TRPM2: variants seen among roughly 807,000 people sequenced by gnomAD.
TRPM2 encodes transient receptor potential cation channel subfamily M member 2, also known as estrogen-responsive element-associated gene 1 protein.
In TRPM2, 161 loss-of-function variants were observed where a neutral mutation model predicts 174.0. The observed-to-expected ratio is 0.93, with a 90% CI of 0.81 to 1.05. The LOEUF (loss-of-function observed/expected upper bound fraction) is 1.05, where lower values mean the gene tolerates loss of function less well. Among genes scored for constraint, TRPM2 ranks in the 50% least tolerant of loss-of-function variants. The probability of loss-of-function intolerance (pLI) is 0.00; values close to 1 mark genes in which losing one functional copy is unlikely to be tolerated. For synonymous variants in TRPM2, 954 were observed against 861.3 expected (o/e 1.11, Z -1.88); for missense variants, 2,057 against 2,038.0 (o/e 1.01, Z -0.18).
chr21:44,421,515 A>T, intron 22 of TRPM2, among the ~76,000 whole-genome samples: 1 of 152,074 alleles, frequency 6.6e-6, no homozygotes, highest in African/African-American at 2.4e-5. Context: ...TCATGCTTGT[A>T]ATCCCAACAT....
chr21:44,407,545 G>C (rs1266935786), intron 19 of TRPM2, among the ~76,000 whole-genome samples: 1 of 136,284 alleles, frequency 7.3e-6, no homozygotes, highest in Admixed American at 8.1e-5. Context: ...TATCTTTACA[G>C]AATCTAACTT....
rs1343510853 is a variant in TRPM2 at position 44,366,072 on chromosome 21, A to G, written c.424-682A>G. On this transcript the variant is annotated intron_variant, in intron 3 of 31. Transcript: ENST00000397928. This position sits in a 1 kb window ranked among gnomAD's most constrained non-coding sequence, Gnocchi z 6.0. The stretch of plus-strand genomic sequence containing the variant: ...CAGACCCCGCTGGGTCTCTTCAGAC[A>G]CAGCCCGCCTAGCGGAACAGGGAAA... Among the ~76,000 whole-genome samples, 6 of 152,178 alleles carry G rather than the reference A, an allele frequency of 3.9e-5. No homozygotes were observed. Among genetic ancestry groups the G allele is most frequent in the Non-Finnish European group, 7.4e-5 (5 of 68,020 alleles).
upstream of TRPM2, among the ~76,000 whole-genome samples, chr21:44,352,390 G>A (rs1276279638): frequency 6.6e-6 from 1 of 152,248 alleles, no homozygotes; most frequent in Non-Finnish European, 1.5e-5. Flanking sequence ...GCAGCCCGTA[G>A]CTCAGCCCCA....
chr21:44,421,438 C>T (rs1327353316), intron 22 of TRPM2, among the ~76,000 whole-genome samples: 1 of 152,140 alleles, frequency 6.6e-6, no homozygotes, highest in Non-Finnish European at 1.5e-5. Flanking sequence ...AGTTGGGCGC[C>T]TCCAGTTATT....
Position 44,376,053 on chromosome 21 carries a change from A to C in TRPM2, c.952+40A>C. The C allele has an allele frequency of 6.3e-7, 1 of 1,597,632 alleles. No individual in the cohort carries two copies. The highest frequency in any genetic ancestry group is 1.3e-5 in the African/African-American group (1 of 74,852). On this transcript the variant is annotated intron_variant, in intron 6 of 31. Transcript: ENST00000397928. The surrounding 1 kb of genome is among the most constrained non-coding windows in gnomAD (Gnocchi z 4.2). ...TTTCGAGGGTGATTGGGCAGAGAGC[A>C]CAGTGGGCTGGTCAGAGTGTCAGGT...
chr21:44,430,276 G>A (rs930018199), intron 27 of TRPM2, among the ~76,000 whole-genome samples: 7 of 152,158 alleles, frequency 4.6e-5, no homozygotes, highest in Non-Finnish European at 1.0e-4. Context: ...CAATGAATGA[G>A]CTGGTCAGCT....
At chr21:44,380,672 C>G (rs964902967) in intron 8 of TRPM2, among the ~76,000 whole-genome samples, 4 of 152,092 alleles carry the variant, frequency 2.6e-5, no homozygotes, top group African/African-American at 9.7e-5. Context: ...CTCAGAGTGT[C>G]CGTCTACACT....
intron 2 of TRPM2, among the ~76,000 whole-genome samples, chr21:44,359,899 C>T (rs2048165739): frequency 1.3e-5 from 2 of 151,958 alleles, no homozygotes; most frequent in Middle Eastern, 3.4e-3. Context: ...AGCTGTGCAC[C>T]ATCACACCTG....
rs743488 is a variant in TRPM2, at chr21:44,427,069, G to T, written c.3932G>T (p.Arg1311Leu). 6.2e-7 allele frequency: 1 copy of T among 1,607,266 alleles called. No individual in the cohort carries two copies. The highest frequency in any genetic ancestry group is 1.8e-4 in the Middle Eastern group (1 of 5,670). Residue 1311 changes from arginine (R) to leucine (L), a missense_variant, in exon 27 of 32, where the codon CGG becomes CTG. Transcript: ENST00000397928. The stretch of plus-strand genomic sequence containing the variant: ...GTGGTGGATGGCCTGAGGGACCGCC[G>T]GAGCTTCCACGGGCCGTACACAGTG... Reference protein sequence around the residue: ...YNVVDGLRDRRSFHGPYTVQA... With the variant: ...YNVVDGLRDRLSFHGPYTVQA...
intron 9 of TRPM2, among the ~76,000 whole-genome samples, 158 bp downstream of exon 9, chr21:44,382,978 G>T (rs2048927252): frequency 6.6e-6 from 1 of 152,198 alleles, no homozygotes; most frequent in Non-Finnish European, 1.5e-5. Flanking sequence ...GTGCAGGTGG[G>T]CGCCTGCCTG....
At chr21:44,421,476 A>G (rs1368227014) in intron 22 of TRPM2, among the ~76,000 whole-genome samples, 2 of 151,904 alleles carry the variant, frequency 1.3e-5, no homozygotes, top group Admixed American at 6.6e-5. Flanking sequence ...CTTAACTAAA[A>G]TATAACTTTG....
chr21:44,439,086 A>T lies in TRPM2; in HGVS notation c.4187A>T (p.Glu1396Val), dbSNP rs1601270955. 1 of 1,613,172 alleles carries T rather than the reference A, an allele frequency of 6.2e-7. No homozygotes were observed. Among genetic ancestry groups the T allele is most frequent in the Non-Finnish European group, 8.5e-7 (1 of 1,179,736 alleles). ...ALPGGSREPGEMLPRKLKRIL... is the reference protein window; with the variant it reads ...ALPGGSREPGVMLPRKLKRIL... ...GTCCAGGGCTCCCGGGAGCCAGGGG[A>T]GATGCTACCTCGGAAGCTGAAGCGG... Residue 1396 changes from glutamate to valine, a missense_variant, in exon 30 of 32, where the codon GAG becomes GTG. Glu to Val is a moderately radical substitution (Grantham distance 121). Coordinates refer to ENST00000397928, the MANE Select transcript of TRPM2 (RefSeq NM_003307.4). This position sits in a 1 kb window ranked among gnomAD's most constrained non-coding sequence, Gnocchi z 5.1.
At chr21:44,418,696 T>C in intron 22 of TRPM2, 141 bp downstream of exon 22, 2 of 1,100,388 alleles carry the variant, frequency 1.8e-6, no homozygotes, top group Admixed American at 4.3e-5. Flanking sequence ...CCGTGGCCCC[T>C]GCAATGCTGC....
chr21:44,433,392 G>A (rs1369471313), intron 27 of TRPM2, among the ~76,000 whole-genome samples: 1 of 152,260 alleles, frequency 6.6e-6, no homozygotes, highest in Non-Finnish European at 1.5e-5. Context: ...CCAGCAGCAC[G>A]ACCTCTGCCT....
chr21:44,410,493 C>T (rs1299217362), intron 19 of TRPM2, among the ~76,000 whole-genome samples: 5 of 66,300 alleles, frequency 7.5e-5, no homozygotes, highest in East Asian at 5.7e-4. Flanking sequence ...AAGTTTTGAC[C>T]GCACTGTCTT....
intron 4 of TRPM2, 188 bp from the exon 5 acceptor site, chr21:44,368,989 C>T (rs2048441875): frequency 3.6e-6 from 2 of 558,222 alleles, no homozygotes; most frequent in South Asian, 7.0e-5. Flanking sequence ...CTCCTGTTCC[C>T]ACCCCACCTG....
rs2051380129 is a variant in TRPM2 at position 44,438,879 on chromosome 21, TCA to T, written c.4168-185_4168-184del. ...CCCCCTGCTCGGGCCACGGCAGGCC[TCA>T]CAGATGCTGACGTGGACGGCGGGTT... On this transcript the variant is annotated intron_variant, in intron 29 of 31. Transcript: ENST00000397928. This position sits in a 1 kb window ranked among gnomAD's most constrained non-coding sequence, Gnocchi z 5.9. Among the ~76,000 whole-genome samples the T allele has an allele frequency of 2.6e-5, 4 of 152,164 alleles. No homozygotes were observed.
At chr21:44,374,088 G>A (rs2048624721) in intron 5 of TRPM2, among the ~76,000 whole-genome samples, 1 of 151,194 alleles carries the variant, frequency 6.6e-6, no homozygotes, top group Admixed American at 6.6e-5. Flanking sequence ...TTGGCTCACT[G>A]CAACCTCCAC....
chr21:44,396,059 AG>A (rs1211597583), intron 12 of TRPM2, among the ~76,000 whole-genome samples: 9 of 23,440 alleles, frequency 3.8e-4, no homozygotes, highest in East Asian at 1.0e-3. Flanking sequence ...AGGGGTGTGG[AG>A]GGCTGTGGAG....
Sources: allele counts gnomAD v4.1 joint callset (sites outside exome capture counted in the v4.1 genomes callset), GRCh38; gene constraint gnomAD v4.1.1; non-coding constraint Gnocchi (gnomAD v3.1); transcripts MANE v1.5; gene names NCBI Gene and HGNC (gene_info 2026-07-23, HGNC 2026-07-21).